TAOK3: variants seen among roughly 807,000 people sequenced by gnomAD.
TAOK3 encodes TAO kinase 3.
A neutral mutation model predicts 120.4 loss-of-function variants in TAOK3; 40 were observed. That is an observed-to-expected ratio of 0.33 (90% CI 0.26 to 0.43). The LOEUF is 0.43. Among genes scored for constraint, TAOK3 ranks in the 20% least tolerant of loss-of-function variants. The pLI, the probability that TAOK3 is intolerant of heterozygous loss-of-function variation, is 1.00. For missense variants in TAOK3, 821 were observed against 1,112.1 expected (o/e 0.74, Z 3.72); for synonymous variants, 355 against 387.5 (o/e 0.92, Z 0.99).
intron 1 of TAOK3, among the ~76,000 whole-genome samples, chr12:118,272,234 A>C (rs1015842762): frequency 1.3e-5 from 2 of 149,072 alleles, no homozygotes; most frequent in Non-Finnish European, 3.0e-5. Context: ...CAGAGGTTGC[A>C]GTGAGCCGAG....
chr12:118,199,953 G>A (rs981576033), intron 12 of TAOK3: 3 of 152,122 alleles, frequency 2.0e-5, no homozygotes, highest in African/African-American at 7.2e-5. Context: ...CATCACAGTG[G>A]GATATCTTTT....
intron 1 of TAOK3, among the ~76,000 whole-genome samples, chr12:118,324,424 A>G (rs1016800907): frequency 2.0e-5 from 3 of 152,084 alleles, no homozygotes; most frequent in African/African-American, 7.2e-5. Context: ...AAAATATCCA[A>G]TGGTTATTGT....
In TAOK3 at chr12:118,189,542, AC is replaced by A. The variant is rs2037298280; in HGVS notation, c.1329+264del. 1.6e-4 allele frequency among the ~76,000 whole-genome samples: 3 copies of A among 19,000 alleles called. No homozygotes were observed. The South Asian group carries it at 3.7e-3, about 23-fold the overall frequency. The allele number at this position is 19,000 out of a possible 152,430, so 12.5% of individuals were successfully genotyped here. On this transcript the variant is annotated intron_variant, in intron 14 of 20. Coordinates refer to ENST00000392533, the MANE Select transcript of TAOK3 (RefSeq NM_016281.4). Reference sequence around the variant, plus strand: ...CAAACACACACAGACACAGACACACACACACACACACACACACACACACACA... The same window carrying A: ...CAAACACACACAGACACAGACACACAACACACACACACACACACACACACA...
chr12:118,162,873 T>A lies in TAOK3; in HGVS notation c.1900-846A>T, dbSNP rs572877440. On this transcript the variant is annotated intron_variant, in intron 17 of 20. Coordinates refer to ENST00000392533, the MANE Select transcript of TAOK3 (RefSeq NM_016281.4). ...GGGTGAAATCTTTTCATTCCTCAAT[T>A]GAAGAATATTTCCTAAATAGCACTA... Among the ~76,000 whole-genome samples the A allele has an allele frequency of 1.1e-3, 175 of 152,322 alleles. 1 individual carries two copies. The highest frequency in any genetic ancestry group is 3.8e-3 in the African/African-American group (159 of 41,570).
chr12:118,149,807 G>A lies in TAOK3; in HGVS notation c.*1190C>T, dbSNP rs1479200363. The A allele has an allele frequency of 6.6e-6, 1 of 152,164 alleles. No homozygotes were observed. Among genetic ancestry groups the A allele is most frequent in the Non-Finnish European group, 1.5e-5 (1 of 68,022 alleles). 9.4% of individuals were successfully genotyped at this position (152,164 alleles called of 1,614,324 possible). A position where few individuals can be genotyped will look rare whatever the true frequency, so the allele number is the denominator to read the frequency against. ...CAATAACACAGCAAGGCGATGTGATGAACACTTTTATTTACAAATATAATT... is the reference window on the plus strand; with the variant it reads ...CAATAACACAGCAAGGCGATGTGATAAACACTTTTATTTACAAATATAATT... On this transcript the variant is annotated 3_prime_UTR_variant, in exon 21 of 21. Transcript: ENST00000392533.
intron 1 of TAOK3, among the ~76,000 whole-genome samples, chr12:118,268,600 C>G (rs1430338621): frequency 6.6e-6 from 1 of 152,166 alleles, no homozygotes; most frequent in Non-Finnish European, 1.5e-5. Flanking sequence ...AACCACTAAC[C>G]AATCAATAAC....
intron 14 of TAOK3, among the ~76,000 whole-genome samples, chr12:118,186,403 G>A (rs886514010): frequency 6.6e-6 from 1 of 152,052 alleles, no homozygotes; most frequent in African/African-American, 2.4e-5. Context: ...CACAGAAACG[G>A]CCAAGAGCCC....
At chr12:118,174,860 C>A (rs1342338359) in intron 16 of TAOK3, among the ~76,000 whole-genome samples, 2 of 152,078 alleles carry the variant, frequency 1.3e-5, no homozygotes, top group East Asian at 3.9e-4. Context: ...TGTCGTTTTA[C>A]CATGTTGGCC....
chr12:118,314,100 A>ATCTTCTAG (rs1214825686), intron 1 of TAOK3, among the ~76,000 whole-genome samples: 1 of 152,206 alleles, frequency 6.6e-6, no homozygotes, highest in East Asian at 1.9e-4. Context: ...CTACCTATGT[A>ATCTTCTAG]TCTTCTAGAA....
At chr12:118,332,634 C>T (rs1661145033) in intron 1 of TAOK3, among the ~76,000 whole-genome samples, 1 of 152,212 alleles carries the variant, frequency 6.6e-6, no homozygotes, top group African/African-American at 2.4e-5. Context: ...AGCCATGTTA[C>T]TGTCCTGCTG....
chr12:118,225,749 T>A (rs1243208856), intron 9 of TAOK3, among the ~76,000 whole-genome samples: 3 of 152,218 alleles, frequency 2.0e-5, no homozygotes, highest in African/African-American at 7.2e-5. Context: ...AGTTATTTCC[T>A]TGTTTTTGAC....
intron 11 of TAOK3, among the ~76,000 whole-genome samples, chr12:118,206,723 A>G (rs916437901): frequency 3.9e-5 from 6 of 152,048 alleles, no homozygotes; most frequent in Non-Finnish European, 7.4e-5. Flanking sequence ...CAGCCTCCCA[A>G]GTAGCTGGGA....
intron 1 of TAOK3, among the ~76,000 whole-genome samples, chr12:118,362,101 TAGTC>T (rs1260324867): frequency 6.6e-6 from 1 of 152,104 alleles, no homozygotes; most frequent in African/African-American, 2.4e-5. Context: ...TTTCTCTATT[TAGTC>T]AGTCAAGAAA....
At position 118,224,962 on chromosome 12, in the gene TAOK3, C is replaced by T. The variant is rs2139699729; in HGVS notation, c.643+8712G>A. On this transcript the variant is annotated intron_variant, in intron 9 of 20. Coordinates refer to ENST00000392533, the MANE Select transcript of TAOK3 (RefSeq NM_016281.4). ...TGTAATTTCGATGTTAAAAGTACAA[C>T]TTGGGCTGGGCAAGGTGGCTCATGC... 2.6e-5 allele frequency among the ~76,000 whole-genome samples: 4 copies of T among 151,962 alleles called. No individual in the cohort carries two copies. The Middle Eastern group carries it at 0.01, about 390-fold the overall frequency.
chr12:118,238,042 G>A (rs1593257833), intron 7 of TAOK3, 31 bp downstream of exon 7: 1 of 1,440,108 alleles, frequency 6.9e-7, no homozygotes, highest in Non-Finnish European at 9.6e-7. Flanking sequence ...TCCTGCAACT[G>A]AAAAGAAACA....
At chr12:118,207,038 G>T (rs1035732128) in intron 11 of TAOK3, among the ~76,000 whole-genome samples, 13 of 152,004 alleles carry the variant, frequency 8.6e-5, no homozygotes, top group African/African-American at 3.1e-4. Flanking sequence ...TATAAAAAAA[G>T]AAAATCGGCC....
At chr12:118,264,610 G>C (rs1322130862) in intron 2 of TAOK3, among the ~76,000 whole-genome samples, 2 of 152,188 alleles carry the variant, frequency 1.3e-5, no homozygotes, top group African/African-American at 2.4e-5. Flanking sequence ...AAAGGGGCCT[G>C]ATGAAGCTTT....
chr12:118,187,959 T>A (rs933697244), intron 14 of TAOK3, among the ~76,000 whole-genome samples: 2 of 152,112 alleles, frequency 1.3e-5, no homozygotes, highest in African/African-American at 4.8e-5. Context: ...ATGGCTGATA[T>A]ACACACAGAG....
At chr12:118,329,491 T>A (rs1302149948) in intron 1 of TAOK3, among the ~76,000 whole-genome samples, 1 of 152,186 alleles carries the variant, frequency 6.6e-6, no homozygotes, top group East Asian at 1.9e-4. Context: ...AATAATTTAT[T>A]AAAATTAATA....
Sources: allele counts gnomAD v4.1 joint callset (sites outside exome capture counted in the v4.1 genomes callset), GRCh38; gene constraint gnomAD v4.1.1; transcripts MANE v1.5; gene names NCBI Gene and HGNC (gene_info 2026-07-23, HGNC 2026-07-21).